The following GRIP2 variants were observed in gnomAD, a reference collection of about 807,000 sequenced individuals.
The protein encoded by GRIP2 is glutamate receptor-interacting protein 2.
In GRIP2, 58 loss-of-function variants were observed where a neutral mutation model predicts 108.3. The ratio of observed to expected loss-of-function variants is 0.54; its 90% CI spans 0.43 to 0.67. GRIP2 has a LOEUF of 0.67. Among genes scored for constraint, GRIP2 ranks in the 30% least tolerant of loss-of-function variants. The pLI, the probability that GRIP2 is intolerant of heterozygous loss-of-function variation, is 0.00. For synonymous variants in GRIP2, 586 were observed against 598.2 expected, an observed-to-expected ratio of 0.98 and a Z score of 0.30; for missense variants, 1,278 against 1,430.6, an observed-to-expected ratio of 0.89 and a Z score of 1.72.
At chr3:14,551,228 A>G (rs1695142507) in intron 1 of GRIP2, among the ~76,000 whole-genome samples, 1 of 152,154 alleles carries the variant, frequency 6.6e-6, no homozygotes, top group Non-Finnish European at 1.5e-5. Context: ...GAGCCTTCAC[A>G]ACGATCTGGA....
chr3:14,497,973 G>A (rs931535300), intron 21 of GRIP2, among the ~76,000 whole-genome samples: 1 of 152,154 alleles, frequency 6.6e-6, no homozygotes, highest in Non-Finnish European at 1.5e-5. Context: ...GAGCTGCTGG[G>A]AGGGGAGGAT....
upstream of GRIP2, among the ~76,000 whole-genome samples, chr3:14,541,408 C>A (rs1041122208): frequency 6.6e-6 from 1 of 152,190 alleles, no homozygotes; most frequent in African/African-American, 2.4e-5. Flanking sequence ...TGGGAACACA[C>A]GAGCCTCATA....
At chr3:14,515,910 C>T (rs758620308) in intron 11 of GRIP2, among the ~76,000 whole-genome samples, 3 of 152,218 alleles carry the variant, frequency 2.0e-5, no homozygotes, top group African/African-American at 4.8e-5. Context: ...GGATTACAGG[C>T]GTGAGCCACC....
At chr3:14,544,918 C>G (rs1353275676), upstream of GRIP2, among the ~76,000 whole-genome samples, 1 of 152,226 alleles carries the variant, frequency 6.6e-6, no homozygotes, top group Non-Finnish European at 1.5e-5. Flanking sequence ...AGGTATTCCA[C>G]ATCTTCCCCA....
At chr3:14,495,022 C>T (rs199939400) in intron 22 of GRIP2, 33 bp from the exon 23 acceptor site, 8 of 1,609,420 alleles carry the variant, frequency 5.0e-6, no homozygotes, top group African/African-American at 1.3e-5. Flanking sequence ...GTTCCTGGAA[C>T]TCTGACCTTT....
Position 14,505,024 on chromosome 3 carries a change from G to A in GRIP2, c.2573+591C>T, listed in dbSNP as rs2124864111. Among the ~76,000 whole-genome samples the A allele has an allele frequency of 6.6e-6, 1 of 152,274 alleles. No individual in the cohort carries two copies. Among genetic ancestry groups the A allele is most frequent in the East Asian group, 1.9e-4 (1 of 5,176 alleles). ...AATCCCTTCTGCCTGAGAAAGACAG[G>A]GAAGCTTCCCAGAGGCAGGAGAATT... On this transcript the variant is annotated intron_variant, in intron 20 of 23. Transcript: ENST00000621039. The surrounding 1 kb of genome is among the most constrained non-coding windows in gnomAD (Gnocchi z 4.2).
At chr3:14,526,182 T>A (rs1045011212) in intron 1 of GRIP2, among the ~76,000 whole-genome samples, 1 of 152,326 alleles carries the variant, frequency 6.6e-6, no homozygotes, top group East Asian at 1.9e-4. Context: ...TCACAGCCAT[T>A]CTGTGGTTCA....
intron 17 of GRIP2, among the ~76,000 whole-genome samples, chr3:14,508,429 T>C (rs1168413885): frequency 6.6e-6 from 1 of 152,168 alleles, no homozygotes; most frequent in African/African-American, 2.4e-5. Context: ...GGAGAAGCTG[T>C]AGCAGGTGCT....
chr3:14,525,876 C>T lies in GRIP2; in HGVS notation c.96G>A (p.Leu32=). 6.4e-7 allele frequency: 1 copy of T among 1,560,458 alleles called. No homozygotes were observed. Residue 32 remains leucine, a synonymous_variant, in exon 2 of 24, where the codon CTG becomes CTA. Coordinates refer to ENST00000621039, the MANE Select transcript of GRIP2 (RefSeq NM_001080423.4). ...GKDAGGADVS[L]ACRRQSIPEE... ...CTGGAATGCTCTGTCTGCGGCACGCCAGGGAAACGTCGGCCCCTCCTGCGT... is the reference window on the plus strand; with the variant it reads ...CTGGAATGCTCTGTCTGCGGCACGCTAGGGAAACGTCGGCCCCTCCTGCGT...
At chr3:14,517,671 A>C (rs1430768503) in intron 10 of GRIP2, 101 bp downstream of exon 10, 19 of 1,455,902 alleles carry the variant, frequency 1.3e-5, no homozygotes, top group Non-Finnish European at 1.8e-5. Flanking sequence ...CCAGCTCACT[A>C]ATCTCTGAGT....
At chr3:14,496,064 G>A (rs1410654302) in intron 22 of GRIP2, among the ~76,000 whole-genome samples, 1 of 152,106 alleles carries the variant, frequency 6.6e-6, no homozygotes, top group Non-Finnish European at 1.5e-5. Flanking sequence ...AGAATCGCTT[G>A]AACCCAGGAG....
the GRIP2 span, chr3:14,573,037 T>G: frequency 7.2e-7 from 1 of 1,392,498 alleles, no homozygotes; most frequent in Non-Finnish European, 1.0e-6. Flanking sequence ...AGATGGAACT[T>G]GCTGAAGCTG....
Position 14,493,555 on chromosome 3 carries a change from G to T in GRIP2, c.*110C>A. The T allele has an allele frequency of 1.6e-6, 2 of 1,284,092 alleles. No individual in the cohort carries two copies. Among genetic ancestry groups the T allele is most frequent in the Non-Finnish European group, 2.1e-6 (2 of 948,560 alleles). The allele number at this position is 1,284,092 out of a possible 1,614,324, so 79.5% of individuals were successfully genotyped here. ...AAGCATCATCCCAGGCTCAGAGTCT[G>T]CCAGACCAACAGATGAATGAGTGGG... On this transcript the variant is annotated 3_prime_UTR_variant, in exon 24 of 24. Coordinates refer to ENST00000621039, the MANE Select transcript of GRIP2 (RefSeq NM_001080423.4).
At position 14,511,077 on chromosome 3, in the gene GRIP2, G is replaced by T; in HGVS notation, c.1933+88C>A. The T allele has an allele frequency of 6.7e-7, 1 of 1,491,740 alleles. No individual in the cohort carries two copies. The highest frequency in any genetic ancestry group is 1.4e-5 in the African/African-American group (1 of 72,420). The allele number at this position is 1,491,740 out of a possible 1,614,324, so 92.4% of individuals were successfully genotyped here. A position where few individuals can be genotyped will look rare whatever the true frequency, so the allele number is the denominator to read the frequency against. On this transcript the variant is annotated intron_variant, in intron 16 of 23. Transcript: ENST00000621039. This position sits in a 1 kb window ranked among gnomAD's most constrained non-coding sequence, Gnocchi z 4.1. ...CAGCGCCCACCACCCTCCCTTCCTC[G>T]GCTGGAGGGAGCCCTGAATTGCAAG...
At chr3:14,536,120 A>C (rs1397174812) in intron 1 of GRIP2, among the ~76,000 whole-genome samples, 1 of 152,234 alleles carries the variant, frequency 6.6e-6, no homozygotes, top group African/African-American at 2.4e-5. Context: ...TAAAAATTTG[A>C]AGCCTCATTC....
chr3:14,576,496 C>T, the GRIP2 span, among the ~76,000 whole-genome samples: 264 of 152,272 alleles, frequency 1.7e-3, 1 homozygote, highest in Middle Eastern at 3.4e-3. Flanking sequence ...CGGGGAGAGG[C>T]GAGGGTGAGA....
chr3:14,558,667 C>G (rs947847287), upstream of GRIP2, among the ~76,000 whole-genome samples: 1 of 152,124 alleles, frequency 6.6e-6, no homozygotes, highest in Non-Finnish European at 1.5e-5. Context: ...CAGGTGAGGA[C>G]ACTCTGAGGA....
At chr3:14,532,482 G>A (rs539825150) in intron 1 of GRIP2, among the ~76,000 whole-genome samples, 14 of 152,200 alleles carry the variant, frequency 9.2e-5, no homozygotes, top group Non-Finnish European at 1.9e-4. Context: ...TGCATTGTAG[G>A]AAGCTGAGCA....
At chr3:14,510,258 G>GTTTTTT (rs148444184) in intron 16 of GRIP2, among the ~76,000 whole-genome samples, 2 of 92,286 alleles carry the variant, frequency 2.2e-5, no homozygotes, top group African/African-American at 5.1e-5. Context: ...ATCATCCGTT[G>GTTTTTT]TTTTTTTTTT....
Sources: gnomAD v4.1 joint callset for allele counts (sites outside exome capture counted in the v4.1 genomes callset) on GRCh38, gnomAD v4.1.1 for gene constraint, Gnocchi (gnomAD v3.1) non-coding constraint, MANE v1.5 for transcripts, NCBI Gene and HGNC (gene_info 2026-07-23, HGNC 2026-07-21) for gene names.